Variants in GNB1L observed in about 807,000 individuals in gnomAD.
GNB1L encodes the protein guanine nucleotide-binding protein subunit beta-like protein 1.
In GNB1L, 20 loss-of-function variants were observed where a neutral mutation model predicts 29.1. That is an observed-to-expected ratio of 0.69 (90% confidence interval 0.48 to 1.00). The LOEUF is 1.00. Ranked by LOEUF, GNB1L falls within the 50% of genes least tolerant of loss-of-function variation. The pLI is 0.00. For synonymous variants in GNB1L, 193 were observed against 206.5 expected, an observed-to-expected ratio of 0.93 and a Z score of 0.56; for missense variants, 421 against 464.9, an observed-to-expected ratio of 0.91 and a Z score of 0.87.
chr22:19,798,752 C>G (rs1187613542), intron 7 of GNB1L, among the ~76,000 whole-genome samples: 1 of 152,168 alleles, frequency 6.6e-6, no homozygotes, highest in Non-Finnish European at 1.5e-5. Context: ...AAACCAGGTT[C>G]AAGGACCAGC....
intron 2 of GNB1L, among the ~76,000 whole-genome samples, chr22:19,824,227 T>C (rs1937601630): frequency 6.6e-6 from 1 of 152,280 alleles, no homozygotes; most frequent in Admixed American, 6.5e-5. Flanking sequence ...ATTTTTCCCA[T>C]GACAATATCC....
chr22:19,829,588 C>G (rs1455712200), intron 2 of GNB1L, among the ~76,000 whole-genome samples: 1 of 151,870 alleles, frequency 6.6e-6, no homozygotes, highest in Non-Finnish European at 1.5e-5. Context: ...GACTATCACA[C>G]AAAAATAGTA....
At chr22:19,797,176 A>T (rs1245018692) in intron 7 of GNB1L, among the ~76,000 whole-genome samples, 2 of 152,130 alleles carry the variant, frequency 1.3e-5, no homozygotes, top group Admixed American at 6.5e-5. Flanking sequence ...TCCACCGCCC[A>T]AATGTGTCCA....
At chr22:19,835,167 G>A (rs1260931446) in intron 2 of GNB1L, among the ~76,000 whole-genome samples, 2 of 152,106 alleles carry the variant, frequency 1.3e-5, no homozygotes, top group Middle Eastern at 3.2e-3. Flanking sequence ...AATTATAGGT[G>A]GAGACTTAAA....
chr22:19,851,829 G>A (rs199512182), intron 2 of GNB1L: 19 of 1,613,982 alleles, frequency 1.2e-5, no homozygotes, highest in Admixed American at 1.7e-5. Flanking sequence ...CCTGTTAGGC[G>A]CCTGAGGATC....
rs777976433 is a variant in GNB1L, at chr22:19,820,641, C to T, written c.211G>A (p.Val71Met). 3.1e-6 allele frequency: 5 copies of T among 1,613,236 alleles called. No individual in the cohort carries two copies. Among genetic ancestry groups the T allele is most frequent in the Admixed American group, 1.7e-5 (1 of 59,980 alleles). ...TGGGGCAGCGTCTGCAGCCAGGTCA[C>T]ACACTGGCCGCCGTGGCCATCCAGG... ...TTLDGHGGQC[V>M]TWLQTLPQGR... The change falls in exon 4 of 8, where the codon GTG becomes ATG. Residue 71 changes from valine (V) to methionine (M), a missense_variant. By Grantham distance (21) the Val-to-Met change is conservative. Transcript: ENST00000329517.
intron 2 of GNB1L, among the ~76,000 whole-genome samples, chr22:19,839,045 A>G (rs1294165356): frequency 1.3e-5 from 2 of 152,222 alleles, no homozygotes; most frequent in Non-Finnish European, 2.9e-5. Flanking sequence ...GAACTGAGTA[A>G]AAGGCTACAC....
Position 19,812,414 on chromosome 22 carries a change from G to A in GNB1L, c.288C>T (p.Asp96=), listed in dbSNP as rs749752974. 3.7e-6 allele frequency: 6 copies of A among 1,613,296 alleles called. No individual in the cohort carries two copies. The highest frequency in any genetic ancestry group is 1.1e-5 in the South Asian group (1 of 91,050). ...QGRDLKLCLW[D]LAEGRSAVVD... ...CGACAGCGCTCCTGCCCTCCGCGAG[G>A]TCCCACAGGCACAGCTTCAGGTCCC... Residue 96 remains aspartate (D), a synonymous_variant, in exon 5 of 8, where the codon GAC becomes GAT. Coordinates refer to ENST00000329517, the MANE Select transcript of GNB1L (RefSeq NM_053004.3).
intron 1 of GNB1L, 83 bp from the exon 2 acceptor site, chr22:19,854,622 A>G (rs1284232565): frequency 6.5e-6 from 1 of 152,758 alleles, no homozygotes; most frequent in African/African-American, 2.4e-5. Context: ...GAACGGCCCA[A>G]ATGTCTCCAG....
chr22:19,851,487 G>A (rs1938096923), intron 2 of GNB1L: 1 of 1,614,008 alleles, frequency 6.2e-7, no homozygotes, highest in African/African-American at 1.3e-5. Flanking sequence ...TCCTTGGTCA[G>A]CTGCTGCTCG....
intron 4 of GNB1L, among the ~76,000 whole-genome samples, chr22:19,814,613 A>G (rs1027916616): frequency 1.2e-4 from 19 of 152,224 alleles, no homozygotes; most frequent in African/African-American, 4.6e-4. Context: ...CCATGTGTTC[A>G]GCATGGACTC....
chr22:19,804,957 C>T lies in GNB1L; in HGVS notation c.516+1702G>A, dbSNP rs150677578. On this transcript the variant is annotated intron_variant, in intron 6 of 7. Coordinates refer to ENST00000329517, the MANE Select transcript of GNB1L (RefSeq NM_053004.3). ...ACCTGGATGCCCTGCCCACTGCCTG[C>T]GGGGTTGCAGCCTTGGGGGGCGTTT... is the stretch of plus-strand genomic sequence containing the variant. 3.2e-3 allele frequency among the ~76,000 whole-genome samples: 495 copies of T among 152,332 alleles called. 8 individuals are homozygous for T. The highest frequency in any genetic ancestry group is 0.026 in the Admixed American group (395 of 15,294).
chr22:19,839,987 C>T (rs1031121921), intron 2 of GNB1L, among the ~76,000 whole-genome samples: 7 of 151,624 alleles, frequency 4.6e-5, no homozygotes, highest in South Asian at 2.1e-4. Flanking sequence ...CACTTGAGCC[C>T]GTGGAGTTTG....
Position 19,788,316 on chromosome 22 carries a change from G to T in GNB1L, c.*393C>A. Reference sequence around the variant, plus strand: ...GTGGCCCATTCAACAGCAGGTGTGAGGGTGGGGCTGAGCATCCTGCCTGGT... The same window carrying T: ...GTGGCCCATTCAACAGCAGGTGTGATGGTGGGGCTGAGCATCCTGCCTGGT... On this transcript the variant is annotated 3_prime_UTR_variant, in exon 8 of 8. Coordinates refer to ENST00000329517, the MANE Select transcript of GNB1L (RefSeq NM_053004.3). 1.9e-6 allele frequency: 1 copy of T among 538,282 alleles called. No homozygotes were observed. Among genetic ancestry groups the T allele is most frequent in the Non-Finnish European group, 3.3e-6 (1 of 303,284 alleles). The allele number at this position is 538,282 out of a possible 1,614,324, so 33.3% of individuals were successfully genotyped here.
rs868588896 is a variant in GNB1L at position 19,821,223 on chromosome 22, C to T, written c.128+5G>A. ...TGGCCTGGGGCTGGGGCCACAGCTA[C>T]TCACCCTGAGAAGAGGAGCGGGCGC... On this transcript the variant is annotated splice_donor_5th_base_variant and intron_variant, in intron 3 of 7. Transcript: ENST00000329517. 4.4e-6 allele frequency: 7 copies of T among 1,606,898 alleles called. No individual in the cohort carries two copies. The Middle Eastern group carries it at 1.0e-3, about 229-fold the overall frequency.
At chr22:19,802,930 C>A (rs973546234) in intron 6 of GNB1L, among the ~76,000 whole-genome samples, 1 of 152,230 alleles carries the variant, frequency 6.6e-6, no homozygotes, top group Non-Finnish European at 1.5e-5. Flanking sequence ...TCCGCATCAC[C>A]CTGGGGACAC....
In GNB1L at chr22:19,803,726, C is replaced by T. The variant is rs138852818; in HGVS notation, c.517-1510G>A. ...GAACTCACAGTGGGTGAGGGCCAGG[C>T]GAGAGCAGCGGGGAACACTCTGCAT... On this transcript the variant is annotated intron_variant, in intron 6 of 7. Transcript: ENST00000329517. Among the ~76,000 whole-genome samples, 184 of 148,466 alleles carry T rather than the reference C, an allele frequency of 1.2e-3. 1 individual carries two copies. In the South Asian group the frequency reaches 0.022, roughly 18 times the overall value.
chr22:19,826,779 T>C (rs1465659378), intron 2 of GNB1L, among the ~76,000 whole-genome samples: 1 of 152,108 alleles, frequency 6.6e-6, no homozygotes, highest in African/African-American at 2.4e-5. Flanking sequence ...CAAACTGGCA[T>C]TGCTTATCTC....
chr22:19,851,207 G>A (rs569278020), intron 2 of GNB1L: 44 of 1,593,998 alleles, frequency 2.8e-5, no homozygotes, highest in African/African-American at 8.0e-5. Flanking sequence ...TGGGGTCTCC[G>A]GGGCCTCCAC....
Sources: gnomAD v4.1 joint callset for allele counts (sites outside exome capture counted in the v4.1 genomes callset) on GRCh38, gnomAD v4.1.1 for gene constraint, MANE v1.5 for transcripts, NCBI Gene and HGNC (gene_info 2026-07-23, HGNC 2026-07-21) for gene names.